The following HMHB1 variants were observed in gnomAD, a reference collection of about 807,000 sequenced individuals.
HMHB1 encodes the protein histocompatibility minor HB-1, also known as minor histocompatibility protein HB-1.
Under a neutral mutation model 2.4 loss-of-function variants are expected in HMHB1, and 4 were observed. That is an observed-to-expected ratio of 1.65 (90% confidence interval 0.81 to 3.77). HMHB1 has a LOEUF of 3.77. HMHB1 is among the 30% of genes most tolerant of loss of function. The pLI is 0.01. For missense variants in HMHB1, 57 were observed against 44.2 expected, an observed-to-expected ratio of 1.29 and a Z score of -0.82; for synonymous variants, 22 against 17.6, an observed-to-expected ratio of 1.25 and a Z score of -0.63.
chr5:143,820,317 G>GAAAAAAAA (rs1759793579), intron 1 of HMHB1, among the ~76,000 whole-genome samples, 163 bp from the exon 2 acceptor site: 1 of 4,758 alleles, frequency 2.1e-4, no homozygotes, highest in African/African-American at 6.4e-4. Flanking sequence ...CTCATCATAA[G>GAAAAAAAA]TAAAAAAAAA....
At chr5:143,812,900 C>T (rs919619711) in intron 1 of HMHB1, among the ~76,000 whole-genome samples, 6 of 152,184 alleles carry the variant, frequency 3.9e-5, no homozygotes, top group African/African-American at 1.4e-4. Context: ...TTCCTTAACT[C>T]ACTAACCTCA....
chr5:143,820,346 A>T (rs1460911218), intron 1 of HMHB1, 134 bp from the exon 2 acceptor site: 1 of 276,050 alleles, frequency 3.6e-6, no homozygotes, highest in Non-Finnish European at 6.6e-6. Context: ...AAAAAAAAAA[A>T]AAAACAGAAC....
chr5:143,817,071 G>C (rs964488392), intron 1 of HMHB1, among the ~76,000 whole-genome samples: 4 of 152,044 alleles, frequency 2.6e-5, no homozygotes, highest in African/African-American at 9.7e-5. Flanking sequence ...TTGCTGATTT[G>C]TTTGAGTTTG....
At chr5:143,820,370 A>AAAAAAAAAAAAAAAAAAAAAAAAAAAG in intron 1 of HMHB1, 110 bp from the exon 2 acceptor site, 1 of 477,024 alleles carries the variant, frequency 2.1e-6, no homozygotes, top group Non-Finnish European at 3.8e-6. Context: ...ACAAAACTAA[A>AAAAAAAAAAAAAAAAAAAAAAAAAAAG]AAGCTAACAC....
chr5:143,817,304 C>A (rs574971846), intron 1 of HMHB1, among the ~76,000 whole-genome samples: 3 of 152,078 alleles, frequency 2.0e-5, no homozygotes, highest in Admixed American at 6.5e-5. Flanking sequence ...GAAGGGTTTT[C>A]CCAATGTTCT....
chr5:143,820,633 G>A lies in HMHB1; in HGVS notation c.*65G>A. 1 of 1,012,066 alleles carries A rather than the reference G, an allele frequency of 9.9e-7. No individual in the cohort carries two copies. The highest frequency in any genetic ancestry group is 1.6e-6 in the Non-Finnish European group (1 of 637,100). The allele number at this position is 1,012,066 out of a possible 1,614,324, so 62.7% of individuals were successfully genotyped here. On this transcript the variant is annotated 3_prime_UTR_variant, in exon 2 of 2. Transcript: ENST00000289448. The stretch of plus-strand genomic sequence containing the variant: ...TGTGGATGAGCAGGGACAAATTGCT[G>A]AGCATGAAGAAGAGTAAAATTAAGC...
chr5:143,815,841 G>A (rs1344798570), intron 1 of HMHB1, among the ~76,000 whole-genome samples: 1 of 150,576 alleles, frequency 6.6e-6, no homozygotes, highest in Non-Finnish European at 1.5e-5. Flanking sequence ...CGAGTAGCTG[G>A]GACTACAGGC....
chr5:143,818,680 T>A (rs1759774547), intron 1 of HMHB1, among the ~76,000 whole-genome samples: 1 of 152,212 alleles, frequency 6.6e-6, no homozygotes, highest in Non-Finnish European at 1.5e-5. Context: ...AGAAATAACA[T>A]CTTTTTAAAG....
chr5:143,820,469 C>A lies in HMHB1; in HGVS notation c.38-11C>A. On this transcript the variant is annotated splice_polypyrimidine_tract_variant and intron_variant, in intron 1 of 1. Transcript: ENST00000289448. The stretch of plus-strand genomic sequence containing the variant: ...AAGCTCAAGTCTCAGCTAAGCCATT[C>A]TTTTCTATAGGTTCTCTGCATGTTT... The A allele has an allele frequency of 1.9e-6, 3 of 1,577,406 alleles. No homozygotes were observed. The highest frequency in any genetic ancestry group is 2.6e-6 in the Non-Finnish European group (3 of 1,147,980).
intron 1 of HMHB1, among the ~76,000 whole-genome samples, chr5:143,813,523 GA>G (rs779789121): frequency 1.3e-5 from 2 of 152,198 alleles, no homozygotes; most frequent in Non-Finnish European, 2.9e-5. Context: ...TAGCTGAACT[GA>G]AAAGTAAAAA....
In HMHB1 at chr5:143,812,229, C is replaced by T. The variant is rs200091270; in HGVS notation, c.-39C>T. The T allele has an allele frequency of 2.9e-4, 447 of 1,549,902 alleles. No homozygotes were observed. The highest frequency in any genetic ancestry group is 3.7e-4 in the Non-Finnish European group (428 of 1,145,562). On this transcript the variant is annotated 5_prime_UTR_variant, in exon 1 of 2. Coordinates refer to ENST00000289448, the MANE Select transcript of HMHB1 (RefSeq NM_021182.3). ...GCCGGGCAGGCCCTGAGCCTTCTGA[C>T]CTCACATCCTCTGCCACACCACAGT...
intron 1 of HMHB1, among the ~76,000 whole-genome samples, chr5:143,816,414 C>T (rs1042839800): frequency 1.4e-4 from 22 of 152,140 alleles, no homozygotes; most frequent in African/African-American, 5.3e-4. Context: ...CCTTTGCGTC[C>T]TCACAGCTTA....
At chr5:143,813,833 C>A (rs1216470806) in intron 1 of HMHB1, among the ~76,000 whole-genome samples, 1 of 152,034 alleles carries the variant, frequency 6.6e-6, no homozygotes, top group East Asian at 1.9e-4. Flanking sequence ...GACTTTTGCT[C>A]CATAGGCAAT....
intron 1 of HMHB1, among the ~76,000 whole-genome samples, 156 bp from the exon 2 acceptor site, chr5:143,820,324 A>AAAAAAAAAAAAAAAAAAAAAAAAAAC (rs1759796096): frequency 1.3e-5 from 1 of 79,600 alleles, no homozygotes. Context: ...TAAGTAAAAA[A>AAAAAAAAAAAAAAAAAAAAAAAAAAC]AAAAAAAAAA....
intron 1 of HMHB1, among the ~76,000 whole-genome samples, chr5:143,815,952 C>T (rs2544834): frequency 0.093 from 14,082 of 151,604 alleles, 1,641 homozygotes; most frequent in East Asian, 0.23. Context: ...ATGATCCACC[C>T]GCCTCGGCCT....
Position 143,820,671 on chromosome 5 carries a change from T to C in HMHB1, c.*103T>C, listed in dbSNP as rs1036748201. 2 of 743,162 alleles carry C rather than the reference T, an allele frequency of 2.7e-6. No homozygotes were observed. Among genetic ancestry groups the C allele is most frequent in the Non-Finnish European group, 4.9e-6 (2 of 409,192 alleles). The allele number at this position is 743,162 out of a possible 1,614,324, so 46.0% of individuals were successfully genotyped here. A position where few individuals can be genotyped will look rare whatever the true frequency, so the allele number is the denominator to read the frequency against. ...AGTAAAATTAAGCAAGTGGAACATA[T>C]GCCCTTTGCCTCTGCTCTGCACAGT... On this transcript the variant is annotated 3_prime_UTR_variant, in exon 2 of 2. Coordinates refer to ENST00000289448, the MANE Select transcript of HMHB1 (RefSeq NM_021182.3).
intron 1 of HMHB1, among the ~76,000 whole-genome samples, chr5:143,819,497 C>T (rs1027092817): frequency 6.6e-6 from 1 of 151,912 alleles, no homozygotes; most frequent in African/African-American, 2.4e-5. Context: ...TAGCCAGGCA[C>T]GGTGGCAGGA....
At chr5:143,819,070 T>A (rs1759779248) in intron 1 of HMHB1, among the ~76,000 whole-genome samples, 1 of 152,216 alleles carries the variant, frequency 6.6e-6, no homozygotes. Flanking sequence ...AACTCCCACC[T>A]CTCTGTCTCT....
chr5:143,820,370 A>AAAAAAAAAAAAAAAAAAAAG, intron 1 of HMHB1, 110 bp from the exon 2 acceptor site: 1 of 477,022 alleles, frequency 2.1e-6, no homozygotes, highest in Non-Finnish European at 3.8e-6. Flanking sequence ...ACAAAACTAA[A>AAAAAAAAAAAAAAAAAAAAG]AAGCTAACAC....
Sources: gnomAD v4.1 joint callset for allele counts (sites outside exome capture counted in the v4.1 genomes callset) on GRCh38, gnomAD v4.1.1 for gene constraint, MANE v1.5 for transcripts, NCBI Gene and HGNC (gene_info 2026-07-23, HGNC 2026-07-21) for gene names.